The following ACVR1B variants were observed in gnomAD, a reference collection of about 807,000 sequenced individuals.
The protein encoded by ACVR1B is activin receptor type-1B.
Under a neutral mutation model 55.6 loss-of-function variants are expected in ACVR1B, and 15 were observed. That is an observed-to-expected ratio of 0.27 (90% confidence interval 0.18 to 0.42). ACVR1B has a LOEUF of 0.42. Among genes scored for constraint, ACVR1B ranks in the 10% least tolerant of loss-of-function variants. The pLI is 1.00. For missense variants in ACVR1B, 359 were observed against 670.1 expected (o/e 0.54, Z 5.13); for synonymous variants, 247 against 254.6 (o/e 0.97, Z 0.28).
At chr12:51,964,241 A>G (rs1941595615) in intron 1 of ACVR1B, among the ~76,000 whole-genome samples, 1 of 152,202 alleles carries the variant, frequency 6.6e-6, no homozygotes, top group Non-Finnish European at 1.5e-5. Context: ...CCTGGGCTTA[A>G]GAGATCTTCT....
At chr12:51,962,918 CTA>C (rs377388388) in intron 1 of ACVR1B, among the ~76,000 whole-genome samples, 5 of 152,296 alleles carry the variant, frequency 3.3e-5, no homozygotes, top group African/African-American at 1.2e-4. Context: ...AGGTGCTGTA[CTA>C]GATACCAGTG....
intron 7 of ACVR1B, among the ~76,000 whole-genome samples, chr12:51,991,306 T>C (rs1942187549): frequency 6.6e-6 from 1 of 152,266 alleles, no homozygotes; most frequent in Non-Finnish European, 1.5e-5. Context: ...GCTTATCAAG[T>C]TGGTGCCTTT....
At chr12:51,952,268 C>T (rs972470019) in intron 1 of ACVR1B, among the ~76,000 whole-genome samples, 4 of 152,102 alleles carry the variant, frequency 2.6e-5, no homozygotes, top group African/African-American at 4.8e-5. Context: ...CTGTGGGGTT[C>T]GGGCGGTGGG....
In ACVR1B at chr12:51,968,336, CTT is replaced by C. The variant is rs1390716280; in HGVS notation, c.92-6928_92-6927del. On this transcript the variant is annotated intron_variant, in intron 1 of 8. Coordinates refer to ENST00000257963, the MANE Select transcript of ACVR1B (RefSeq NM_004302.5). ...AACAAGTTGTAGATGTTAGATACCT[CTT>C]GAGGTAAAGGTTTAAAACCAATCTT... 2.6e-5 allele frequency among the ~76,000 whole-genome samples: 4 copies of C among 152,330 alleles called. No homozygotes were observed. In the East Asian group the frequency reaches 7.7e-4, roughly 29 times the overall value.
At chr12:51,982,862 TG>T in intron 4 of ACVR1B, 5 of 1,434,504 alleles carry the variant, frequency 3.5e-6, no homozygotes, top group Non-Finnish European at 4.6e-6. Flanking sequence ...AAATCTTATA[TG>T]TTTTAAAAGG....
Position 51,975,509 on chromosome 12 carries a change from G to A in ACVR1B, c.331+5G>A. ...TCGACTTGAGGGTGCCCAGTGGTGA[G>A]TGCATGCCCTTGTTGGGCTAGTGGC... On this transcript the variant is annotated splice_donor_5th_base_variant and intron_variant, in intron 2 of 8. Transcript: ENST00000257963. The A allele has an allele frequency of 6.2e-7, 1 of 1,607,238 alleles. No individual in the cohort carries two copies. The highest frequency in any genetic ancestry group is 8.5e-7 in the Non-Finnish European group (1 of 1,174,134).
intron 1 of ACVR1B, chr12:51,953,592 A>T: frequency 1.2e-4 from 87 of 743,400 alleles, no homozygotes; most frequent in Non-Finnish European, 1.2e-4. Context: ...TCTACTGGGT[A>T]GTAAAAAAAA....
At chr12:51,972,531 C>T (rs959037909) in intron 1 of ACVR1B, among the ~76,000 whole-genome samples, 12 of 152,184 alleles carry the variant, frequency 7.9e-5, no homozygotes, top group African/African-American at 1.4e-4. Flanking sequence ...TGTAAGTACA[C>T]GCTGTGAGGT....
chr12:51,978,635 T>C (rs1323312849), intron 3 of ACVR1B, among the ~76,000 whole-genome samples: 1 of 151,632 alleles, frequency 6.6e-6, no homozygotes, highest in African/African-American at 2.4e-5. Flanking sequence ...ATCCAGACCA[T>C]CCTGGCTAAC....
intron 4 of ACVR1B, among the ~76,000 whole-genome samples, chr12:51,981,862 GAAAA>G (rs1023201031): frequency 6.9e-6 from 1 of 144,898 alleles, no homozygotes; most frequent in African/African-American, 2.6e-5. Context: ...AAAAAAAAAA[GAAAA>G]AAAAAATCCC....
At position 51,994,073 on chromosome 12, in the gene ACVR1B, T is replaced by C; in HGVS notation, c.1481T>C (p.Leu494Pro). The C allele has an allele frequency of 6.2e-7, 1 of 1,614,066 alleles. No homozygotes were observed. The highest frequency in any genetic ancestry group is 8.5e-7 in the Non-Finnish European group (1 of 1,180,030). Residue 494 changes from leucine to proline, a missense_variant, in exon 9 of 9, where the codon CTC becomes CCC. By Grantham distance (98) the Leu-to-Pro change is moderately conservative. This residue lies in a region of ACVR1B where 53 missense variants were observed against 78.5 expected (regional missense o/e 0.68). Coordinates refer to ENST00000257963, the MANE Select transcript of ACVR1B (RefSeq NM_004302.5). The surrounding 1 kb of genome is among the most constrained non-coding windows in gnomAD (Gnocchi z 4.2). ...ACGGCCCTGCGCATCAAGAAGACCC[T>C]CTCCCAGCTCAGCGTGCAGGAAGAC... ...RLTALRIKKTLSQLSVQEDVK... is the reference protein window; with the variant it reads ...RLTALRIKKTPSQLSVQEDVK...
intron 7 of ACVR1B, among the ~76,000 whole-genome samples, chr12:51,990,694 C>T (rs931983792): frequency 1.1e-4 from 16 of 152,258 alleles, no homozygotes; most frequent in Non-Finnish European, 2.1e-4. Flanking sequence ...TTGTTCAAAT[C>T]GGGGTTCCAA....
At chr12:51,987,378 A>C (rs1167367722) in intron 7 of ACVR1B, 2 of 458,972 alleles carry the variant, frequency 4.4e-6, no homozygotes, top group Non-Finnish European at 7.7e-6. Flanking sequence ...AAATTTATAA[A>C]AGTGCATAGA....
intron 1 of ACVR1B, among the ~76,000 whole-genome samples, chr12:51,956,792 G>C (rs954505998): frequency 2.6e-5 from 4 of 151,336 alleles, no homozygotes; most frequent in Non-Finnish European, 5.9e-5. Flanking sequence ...ACAGGGTCTT[G>C]CTCTGTTGCC....
intron 5 of ACVR1B, among the ~76,000 whole-genome samples, chr12:51,984,441 C>G (rs372258682): frequency 2.0e-5 from 3 of 152,024 alleles, no homozygotes; most frequent in Admixed American, 1.3e-4. Context: ...TCATTTGTTA[C>G]GAAGGAGTAA....
chr12:51,982,935 G>C, intron 4 of ACVR1B: 1 of 949,148 alleles, frequency 1.1e-6, no homozygotes, highest in Non-Finnish European at 1.4e-6. Context: ...GGGCTGGTTA[G>C]AGTGCGAGAA....
intron 1 of ACVR1B, among the ~76,000 whole-genome samples, chr12:51,955,854 G>A (rs945434651): frequency 1.3e-5 from 2 of 152,180 alleles, no homozygotes; most frequent in African/African-American, 2.4e-5. Flanking sequence ...TGGGAATGCG[G>A]GAACCTTTTA....
chr12:51,971,773 G>GT (rs1441577379), intron 1 of ACVR1B, among the ~76,000 whole-genome samples: 1 of 152,240 alleles, frequency 6.6e-6, no homozygotes, highest in East Asian at 1.9e-4. Context: ...GAATTGTCCA[G>GT]TGTTGGGTCA....
chr12:51,967,690 TTA>T (rs1288917118), intron 1 of ACVR1B, among the ~76,000 whole-genome samples: 1 of 152,192 alleles, frequency 6.6e-6, no homozygotes, highest in Non-Finnish European at 1.5e-5. Flanking sequence ...GCTAAGAGCT[TTA>T]TATACTGATT....
Sources: allele counts gnomAD v4.1 joint callset (sites outside exome capture counted in the v4.1 genomes callset), GRCh38; gene constraint gnomAD v4.1.1; regional missense constraint gnomAD v4.1.1; non-coding constraint Gnocchi (gnomAD v3.1); transcripts MANE v1.5; gene names NCBI Gene and HGNC (gene_info 2026-07-23, HGNC 2026-07-21).